Variants in SETD7 observed in about 807,000 individuals in gnomAD.
SETD7 encodes the protein histone-lysine N-methyltransferase SETD7.
A neutral mutation model predicts 41.8 loss-of-function variants in SETD7; 16 were observed. That is an observed-to-expected ratio of 0.38 (90% CI 0.26 to 0.58). The LOEUF is 0.58. SETD7 is among the 20% of genes least tolerant of loss of function. The pLI is 0.64. For missense variants in SETD7, 346 were observed against 459.7 expected, an observed-to-expected ratio of 0.75 and a Z score of 2.26; for synonymous variants, 163 against 169.7, an observed-to-expected ratio of 0.96 and a Z score of 0.31.
At chr4:139,523,264 CAG>C (rs1414650409) in intron 5 of SETD7, 88 bp downstream of exon 5, 3 of 905,242 alleles carry the variant, frequency 3.3e-6, no homozygotes, top group Non-Finnish European at 5.2e-6. Context: ...CCAGCCTGGG[CAG>C]AGAGCCAAAG....
chr4:139,552,525 T>C (rs774182753), intron 1 of SETD7, among the ~76,000 whole-genome samples: 1 of 152,144 alleles, frequency 6.6e-6, no homozygotes, highest in Non-Finnish European at 1.5e-5. Flanking sequence ...AGTGGAGCCT[T>C]GATCCTGTCA....
chr4:139,536,198 T>A (rs1192042524), intron 2 of SETD7, among the ~76,000 whole-genome samples: 1 of 152,308 alleles, frequency 6.6e-6, no homozygotes, highest in Non-Finnish European at 1.5e-5. Context: ...GCTCTGCTCA[T>A]ATCGAAAGTT....
rs770080774 is a variant in SETD7, at chr4:139,511,684, G to A, written c.1080C>T (p.Phe360=). The A allele has an allele frequency of 6.2e-7, 1 of 1,613,372 alleles. No individual in the cohort carries two copies. Among genetic ancestry groups the A allele is most frequent in the Admixed American group, 1.7e-5 (1 of 59,706 alleles). ...PEWYQVELKA[F]QATQQK Reference sequence around the variant, plus strand: ...CCTTTCACTTTTGCTGGGTGGCCTGGAAGGCCTTCAGCTCCACCTGGTACC... The same window carrying A: ...CCTTTCACTTTTGCTGGGTGGCCTGAAAGGCCTTCAGCTCCACCTGGTACC... The change falls in exon 8 of 8, where the codon TTC becomes TTT. Residue 360 remains phenylalanine (F), a synonymous_variant. Coordinates refer to ENST00000274031, the MANE Select transcript of SETD7 (RefSeq NM_030648.4).
At chr4:139,547,174 C>A in intron 1 of SETD7, 125 bp from the exon 2 acceptor site, 7 of 1,237,916 alleles carry the variant, frequency 5.7e-6, no homozygotes, top group Non-Finnish European at 5.6e-6. Flanking sequence ...CAAAGGGTCC[C>A]CTCCCTGGAA....
chr4:139,533,495 A>C (rs950177343), intron 2 of SETD7, 129 bp from the exon 3 acceptor site: 2 of 738,926 alleles, frequency 2.7e-6, no homozygotes, highest in African/African-American at 3.5e-5. Flanking sequence ...GCAGCCTCCT[A>C]AATTATCATC....
intron 2 of SETD7, 138 bp from the exon 3 acceptor site, chr4:139,533,504 T>C: frequency 1.4e-6 from 1 of 698,536 alleles, no homozygotes; most frequent in Non-Finnish European, 2.4e-6. Flanking sequence ...TAAATTATCA[T>C]CGACTGCTAG....
chr4:139,542,597 CA>C (rs1266767758), intron 2 of SETD7, among the ~76,000 whole-genome samples: 23 of 151,596 alleles, frequency 1.5e-4, no homozygotes, highest in African/African-American at 5.3e-4. Context: ...TTAAGATGTG[CA>C]AATTCTCTGC....
chr4:139,524,754 G>C (rs1727278911), intron 4 of SETD7, among the ~76,000 whole-genome samples: 1 of 152,142 alleles, frequency 6.6e-6, no homozygotes, highest in Non-Finnish European at 1.5e-5. Flanking sequence ...GAATGGATTG[G>C]ATCTGAGAGC....
chr4:139,497,666 T>A (rs976328948), intron 7 of SETD7, among the ~76,000 whole-genome samples: 5 of 150,966 alleles, frequency 3.3e-5, no homozygotes, highest in Admixed American at 1.3e-4. Flanking sequence ...CTCGGCTCAC[T>A]GCAACCTCCG....
At chr4:139,500,724 G>A (rs1726552862) in intron 7 of SETD7, among the ~76,000 whole-genome samples, 1 of 152,188 alleles carries the variant, frequency 6.6e-6, no homozygotes, top group South Asian at 2.1e-4. Flanking sequence ...GGCAAGGCTG[G>A]TCTCAAACTC....
At chr4:139,524,217 CTGTT>C (rs1273897003) in intron 4 of SETD7, among the ~76,000 whole-genome samples, 8 of 152,240 alleles carry the variant, frequency 5.3e-5, no homozygotes, top group Non-Finnish European at 1.0e-4. Flanking sequence ...GGTCCTCTTT[CTGTT>C]TGTTTGTGAG....
At chr4:139,547,485 T>C (rs1727997055) in intron 1 of SETD7, among the ~76,000 whole-genome samples, 1 of 152,212 alleles carries the variant, frequency 6.6e-6, no homozygotes, top group Non-Finnish European at 1.5e-5. Flanking sequence ...TTATAGTCAA[T>C]TGCCACATAC....
At chr4:139,531,922 A>G (rs896691163) in intron 3 of SETD7, among the ~76,000 whole-genome samples, 2 of 152,050 alleles carry the variant, frequency 1.3e-5, no homozygotes, top group Non-Finnish European at 2.9e-5. Context: ...GTGAAACCCC[A>G]TTTTACTAAA....
downstream of SETD7, among the ~76,000 whole-genome samples, chr4:139,495,428 C>A (rs1726435708): frequency 6.6e-6 from 1 of 152,308 alleles, no homozygotes; most frequent in East Asian, 1.9e-4. Flanking sequence ...CTTAAAGATA[C>A]TACCGGAGGC....
At chr4:139,530,101 G>T (rs555205480) in intron 3 of SETD7, among the ~76,000 whole-genome samples, 17 of 152,104 alleles carry the variant, frequency 1.1e-4, no homozygotes, top group Middle Eastern at 3.4e-3. Context: ...ATTGAACAGG[G>T]TTACCAAAAA....
intron 2 of SETD7, among the ~76,000 whole-genome samples, chr4:139,541,114 G>A (rs115756825): frequency 6.6e-6 from 1 of 152,142 alleles, no homozygotes; most frequent in African/African-American, 2.4e-5. Context: ...AAATCAAATT[G>A]GCATGTGAAG....
intron 7 of SETD7, among the ~76,000 whole-genome samples, chr4:139,500,235 C>T (rs1351220934): frequency 1.3e-5 from 2 of 152,068 alleles, no homozygotes; most frequent in African/African-American, 4.8e-5. Flanking sequence ...CTGTTTCTTC[C>T]TATGATGCAC....
chr4:139,506,757 T>A lies in SETD7; in HGVS notation c.*4906A>T, dbSNP rs886154847. On this transcript the variant is annotated 3_prime_UTR_variant, in exon 8 of 8. Coordinates refer to ENST00000274031, the MANE Select transcript of SETD7 (RefSeq NM_030648.4). The stretch of plus-strand genomic sequence containing the variant: ...AAAGGAGTTTTTGTTTGTTTGTTTT[T>A]TCAATAACATAAGAGTCAGGAGAGT... The A allele has an allele frequency of 3.9e-5, 6 of 152,648 alleles. No homozygotes were observed. Among genetic ancestry groups the A allele is most frequent in the Non-Finnish European group, 8.8e-5 (6 of 68,038 alleles). The allele number at this position is 152,648 out of a possible 1,614,324, so 9.5% of individuals were successfully genotyped here.
intron 1 of SETD7, 27 bp from the exon 2 acceptor site, chr4:139,547,076 C>A (rs1207156242): frequency 6.2e-7 from 1 of 1,612,560 alleles, no homozygotes; most frequent in African/African-American, 1.3e-5. Context: ...ACAAGGCAAA[C>A]CTTAACATCT....
Sources: allele counts gnomAD v4.1 joint callset (sites outside exome capture counted in the v4.1 genomes callset), GRCh38; gene constraint gnomAD v4.1.1; transcripts MANE v1.5; gene names NCBI Gene and HGNC (gene_info 2026-07-23, HGNC 2026-07-21).